Variants in CDC42BPG observed in about 807,000 individuals in gnomAD.
CDC42BPG encodes the protein CDC42 binding protein kinase gamma, also known as serine/threonine-protein kinase MRCK gamma.
Under a neutral mutation model 192.2 loss-of-function variants are expected in CDC42BPG, and 157 were observed. That is an observed-to-expected ratio of 0.82 (90% CI 0.72 to 0.93). The LOEUF (loss-of-function observed/expected upper bound fraction) is 0.93, where lower values mean the gene tolerates loss of function less well. CDC42BPG is among the 40% of genes least tolerant of loss of function. The pLI is 0.00. For synonymous variants in CDC42BPG, 981 were observed against 918.5 expected (o/e 1.07, Z -1.23); for missense variants, 1,992 against 2,122.1 (o/e 0.94, Z 1.20).
intron 32 of CDC42BPG, 43 bp downstream of exon 32, chr11:64,827,484 C>A (rs779693086): frequency 1.2e-6 from 2 of 1,604,112 alleles, no homozygotes; most frequent in Non-Finnish European, 1.7e-6. Flanking sequence ...GCCACACGTG[C>A]GCACTGGGGA....
At chr11:64,842,811 G>A (rs1328328358) in intron 1 of CDC42BPG, among the ~76,000 whole-genome samples, 2 of 152,186 alleles carry the variant, frequency 1.3e-5, no homozygotes, top group Non-Finnish European at 2.9e-5. Flanking sequence ...AGTCAGGATG[G>A]GGGGCAGCTG....
chr11:64,839,399 T>C (rs1362539086), intron 6 of CDC42BPG, 79 bp downstream of exon 6: 1 of 1,517,260 alleles, frequency 6.6e-7, no homozygotes, highest in Non-Finnish European at 9.0e-7. Context: ...GCCTCTGCAC[T>C]AGGCCTGGGG....
At chr11:64,842,924 G>A (rs186988135) in intron 1 of CDC42BPG, among the ~76,000 whole-genome samples, 2 of 152,296 alleles carry the variant, frequency 1.3e-5, no homozygotes, top group Admixed American at 1.3e-4. Flanking sequence ...AGGTTTATCA[G>A]GCAGAAGCCC....
intron 5 of CDC42BPG, 115 bp from the exon 6 acceptor site, chr11:64,839,686 C>A: frequency 1.2e-6 from 1 of 804,052 alleles, no homozygotes; most frequent in Non-Finnish European, 2.0e-6. Flanking sequence ...ACACACATTC[C>A]TGTGTGTAGG....
At chr11:64,837,588 A>G (rs961903529) in intron 9 of CDC42BPG, among the ~76,000 whole-genome samples, 1 of 152,214 alleles carries the variant, frequency 6.6e-6, no homozygotes, top group African/African-American at 2.4e-5. Flanking sequence ...CAGCCTCCCA[A>G]GTAGCTGGGA....
At chr11:64,835,225 C>T in intron 16 of CDC42BPG, 72 bp from the exon 17 acceptor site, 3 of 1,602,310 alleles carry the variant, frequency 1.9e-6, no homozygotes, top group South Asian at 2.2e-5. Context: ...CTGTAGGTAC[C>T]CCAGCACCCC....
chr11:64,829,621 G>A lies in CDC42BPG; in HGVS notation c.3817C>T (p.Arg1273Cys), dbSNP rs753398950. ...CCCAGTGCCTCACCCAGGCCCCCGCGGGATGGTGGCAGCTCCTCAGGCACC... is the reference window on the plus strand; with the variant it reads ...CCCAGTGCCTCACCCAGGCCCCCGCAGGATGGTGGCAGCTCCTCAGGCACC... ...GLVPEELPPSRGGLGEALGAV... is the reference protein window; with the variant it reads ...GLVPEELPPSCGGLGEALGAV... The change falls in exon 30 of 37, where the codon CGC becomes TGC. Residue 1273 changes from arginine to cysteine, a missense_variant. Arg to Cys is a radical substitution (Grantham distance 180, BLOSUM62 -3). Coordinates refer to ENST00000342711, the MANE Select transcript of CDC42BPG (RefSeq NM_017525.3). 18 of 1,611,566 alleles carry A rather than the reference G, an allele frequency of 1.1e-5. No homozygotes were observed. Among genetic ancestry groups the A allele is most frequent in the Middle Eastern group, 1.7e-4 (1 of 6,058 alleles).
In CDC42BPG at chr11:64,834,145, G is replaced by A. The variant is rs1592702715; in HGVS notation, c.2413+121C>T. On this transcript the variant is annotated intron_variant, in intron 20 of 36. Coordinates refer to ENST00000342711, the MANE Select transcript of CDC42BPG (RefSeq NM_017525.3). Reference sequence around the variant, plus strand: ...GCTGGTCACAGATGATGGAGTAAGCGGCAGAGTCCAGGAACAGACTCCTGT... The same window carrying A: ...GCTGGTCACAGATGATGGAGTAAGCAGCAGAGTCCAGGAACAGACTCCTGT... The A allele has an allele frequency of 2.1e-5, 29 of 1,375,272 alleles. 1 individual carries two copies. In the East Asian group the frequency reaches 4.7e-4, roughly 22 times the overall value. 85.2% of individuals were successfully genotyped at this position (1,375,272 alleles called of 1,614,324 possible). A position where few individuals can be genotyped will look rare whatever the true frequency, so the allele number is the denominator to read the frequency against.
Position 64,835,340 on chromosome 11 carries a change from T to C in CDC42BPG, c.1953+7A>G, listed in dbSNP as rs1371150649. On this transcript the variant is annotated splice_region_variant and intron_variant, in intron 16 of 36. Coordinates refer to ENST00000342711, the MANE Select transcript of CDC42BPG (RefSeq NM_017525.3). ...GTTGTACCCTCCGTCTGTTGTACCC[T>C]GCTCACCCGCTCCTGCTCCCGGCTC... 3 of 1,613,958 alleles carry C rather than the reference T, an allele frequency of 1.9e-6. No individual in the cohort carries two copies. The highest frequency in any genetic ancestry group is 1.3e-5 in the African/African-American group (1 of 75,044).
At chr11:64,826,376 G>A in intron 36 of CDC42BPG, 94 bp downstream of exon 36, 2 of 863,994 alleles carry the variant, frequency 2.3e-6, no homozygotes, top group South Asian at 1.5e-5. Context: ...GGCTCAGCTT[G>A]TTCCCTAGCC....
At chr11:64,830,294 C>G (rs765712964) in intron 28 of CDC42BPG, 38 bp from the exon 29 acceptor site, 1 of 1,536,348 alleles carries the variant, frequency 6.5e-7, no homozygotes, top group Non-Finnish European at 8.9e-7. Context: ...GTCAGCAGTC[C>G]CACTCAATGA....
At chr11:64,835,951 G>A in intron 13 of CDC42BPG, 100 bp from the exon 14 acceptor site, 2 of 1,317,768 alleles carry the variant, frequency 1.5e-6, no homozygotes, top group Non-Finnish European at 2.1e-6. Flanking sequence ...CAGTGGACAT[G>A]AGGAGGCATG....
chr11:64,834,261 C>A lies in CDC42BPG; in HGVS notation c.2413+5G>T. 1.3e-6 allele frequency: 2 copies of A among 1,564,816 alleles called. No homozygotes were observed. The highest frequency in any genetic ancestry group is 1.7e-6 in the Non-Finnish European group (2 of 1,161,314). ...CTCCGGGGCAAGCAGTTGGCAGCCA[C>A]TCACCCACTGGCCCTCGGGCCCGCA... On this transcript the variant is annotated splice_donor_5th_base_variant and intron_variant, in intron 20 of 36. Coordinates refer to ENST00000342711, the MANE Select transcript of CDC42BPG (RefSeq NM_017525.3).
rs762325918 is a variant in CDC42BPG at position 64,834,457 on chromosome 11, C to T, written c.2296G>A (p.Val766Met). 1 of 1,568,914 alleles carries T rather than the reference C, an allele frequency of 6.4e-7. No homozygotes were observed. The highest frequency in any genetic ancestry group is 1.3e-5 in the African/African-American group (1 of 74,112). ...TCAGCCTGCAGCTGGGCCTCCTGCA[C>T]CTGTGTCAGCCGCTCCTGCAGGCCC... The part of the protein sequence containing the change: ...KQGLQERLTQ[V>M]QEAQLQAERR... Residue 766 changes from valine to methionine, a missense_variant, in exon 19 of 37, where the codon GTG (valine) becomes ATG (methionine). Coordinates refer to ENST00000342711, the MANE Select transcript of CDC42BPG (RefSeq NM_017525.3).
intron 30 of CDC42BPG, among the ~76,000 whole-genome samples, chr11:64,828,126 G>C (rs905261388): frequency 1.3e-4 from 20 of 152,166 alleles, no homozygotes; most frequent in Non-Finnish European, 2.6e-4. Flanking sequence ...TGAGAGCTGC[G>C]ATTTGGCCCT....
At chr11:64,832,392 G>A (rs1187771306) in intron 27 of CDC42BPG, 36 bp downstream of exon 27, 7 of 1,595,410 alleles carry the variant, frequency 4.4e-6, no homozygotes, top group African/African-American at 1.3e-5. Context: ...ATGGGGAGGT[G>A]GATGGTGGCT....
chr11:64,836,536 AG>A lies in CDC42BPG; in HGVS notation c.1385-7del. The A allele has an allele frequency of 1.9e-6, 3 of 1,611,966 alleles. No individual in the cohort carries two copies. Among genetic ancestry groups the A allele is most frequent in the Non-Finnish European group, 2.5e-6 (3 of 1,178,872 alleles). On this transcript the variant is annotated splice_region_variant and splice_polypyrimidine_tract_variant and intron_variant, in intron 11 of 36. Transcript: ENST00000342711. ...GGCCTTGTCCCTCAGCATCTCTGCC[AG>A]GAAGAGTCACTGAGACCTCGAGTGC...
At position 64,827,305 on chromosome 11, in the gene CDC42BPG, G is replaced by A; in HGVS notation, c.4244C>T (p.Ser1415Leu). ...KSKRRFFFRV[S>L]EEQQKQQRRE... The stretch of plus-strand genomic sequence containing the variant: ...GCGCTGCTGCTTCTGCTGCTCCTCC[G>A]ACACGCGGAAAAAGAAGCGGCGCTT... The change falls in exon 33 of 37, where the codon TCG (serine) becomes TTG (leucine). Residue 1415 changes from serine (S) to leucine (L), a missense_variant. Physicochemically the swap from Ser to Leu is moderately radical, Grantham distance 145. Coordinates refer to ENST00000342711, the MANE Select transcript of CDC42BPG (RefSeq NM_017525.3). 2 of 1,613,862 alleles carry A rather than the reference G, an allele frequency of 1.2e-6. No individual in the cohort carries two copies. The highest frequency in any genetic ancestry group is 1.1e-5 in the South Asian group (1 of 91,048).
At chr11:64,835,975 C>T in intron 13 of CDC42BPG, 124 bp from the exon 14 acceptor site, 1 of 1,299,162 alleles carries the variant, frequency 7.7e-7, no homozygotes, top group Non-Finnish European at 1.1e-6. Context: ...TCCCAGACTG[C>T]CCCGTCCCAG....
Sources: gnomAD v4.1 joint callset for allele counts (sites outside exome capture counted in the v4.1 genomes callset) on GRCh38, gnomAD v4.1.1 for gene constraint, MANE v1.5 for transcripts, NCBI Gene and HGNC (gene_info 2026-07-23, HGNC 2026-07-21) for gene names.